MSH3: variants seen among roughly 807,000 people sequenced by gnomAD.
MSH3 encodes mutS homolog 3, also known as DNA mismatch repair protein Msh3.
MSH3 carries 106 observed loss-of-function variants against 123.3 expected under a neutral mutation model. That is an observed-to-expected ratio of 0.86 (90% CI 0.73 to 1.01). The LOEUF is 1.01. MSH3 is among the 50% of genes least tolerant of loss of function. MSH3 has a pLI of 0.00. For missense variants in MSH3, 1,459 were observed against 1,347.6 expected, an observed-to-expected ratio of 1.08 and a Z score of -1.29; for synonymous variants, 515 against 481.4, an observed-to-expected ratio of 1.07 and a Z score of -0.91.
chr5:80,781,695 T>C (rs1161633231), intron 17 of MSH3, among the ~76,000 whole-genome samples: 1 of 152,180 alleles, frequency 6.6e-6, no homozygotes, highest in Non-Finnish European at 1.5e-5. Flanking sequence ...CTTGAACTCC[T>C]GGGCTATGTC....
At chr5:80,704,971 A>G (rs960514793) in intron 8 of MSH3, among the ~76,000 whole-genome samples, 2 of 152,078 alleles carry the variant, frequency 1.3e-5, no homozygotes, top group African/African-American at 4.8e-5. Flanking sequence ...TTTGGACTCT[A>G]TTTTTCTTAC....
intron 12 of MSH3, among the ~76,000 whole-genome samples, chr5:80,760,465 G>C (rs1364230956): frequency 6.6e-6 from 1 of 152,162 alleles, no homozygotes. Context: ...CTATGTATCT[G>C]AATGTCATAT....
chr5:80,867,943 G>A (rs1299667161), intron 22 of MSH3, among the ~76,000 whole-genome samples: 2 of 152,108 alleles, frequency 1.3e-5, no homozygotes, highest in Admixed American at 6.6e-5. Flanking sequence ...CCCTGTGTCA[G>A]TTTTTGCTTC....
intron 7 of MSH3, among the ~76,000 whole-genome samples, chr5:80,677,140 C>T (rs145061531): frequency 6.6e-6 from 1 of 152,326 alleles, no homozygotes; most frequent in East Asian, 1.9e-4. Flanking sequence ...ATCTTATCTT[C>T]TTTTACCCTC....
intron 20 of MSH3, among the ~76,000 whole-genome samples, chr5:80,819,518 G>A (rs994739873): frequency 1.2e-4 from 17 of 145,710 alleles, no homozygotes; most frequent in South Asian, 4.3e-4. Context: ...CGCTCCTGTC[G>A]CCCAAGCTGG....
intron 23 of MSH3, among the ~76,000 whole-genome samples, chr5:80,873,732 A>G (rs554531183): frequency 1.3e-5 from 2 of 152,332 alleles, no homozygotes; most frequent in South Asian, 2.1e-4. Context: ...CAGTATCCAC[A>G]TGTCACTTAT....
Position 80,666,329 on chromosome 5 carries a change from G to A in MSH3, c.579+966G>A, listed in dbSNP as rs759391179. ...ATTGAAATTCTAATGAAAGCTGTTG[G>A]CCTTTTTCTTCAGAAAAATTCTCAA... On this transcript the variant is annotated intron_variant, in intron 3 of 23. Coordinates refer to ENST00000265081, the MANE Select transcript of MSH3 (RefSeq NM_002439.5). 7.2e-5 allele frequency among the ~76,000 whole-genome samples: 11 copies of A among 152,164 alleles called. No homozygotes were observed. In the East Asian group the frequency reaches 1.9e-3, roughly 27 times the overall value.
At chr5:80,816,827 A>G (rs1217966417) in intron 20 of MSH3, among the ~76,000 whole-genome samples, 2 of 152,218 alleles carry the variant, frequency 1.3e-5, no homozygotes, top group Admixed American at 1.3e-4. Flanking sequence ...TGTGCATCTG[A>G]ATGGTGAATG....
At chr5:80,695,797 TG>T (rs551340170) in intron 8 of MSH3, among the ~76,000 whole-genome samples, 262 of 152,364 alleles carry the variant, frequency 1.7e-3, no homozygotes, top group Non-Finnish European at 3.3e-3. Context: ...GTTATCTTGG[TG>T]TTGGCATCTA....
At chr5:80,821,517 T>C (rs1745205195) in intron 20 of MSH3, among the ~76,000 whole-genome samples, 3 of 152,244 alleles carry the variant, frequency 2.0e-5, no homozygotes, top group African/African-American at 7.2e-5. Context: ...ACCACAACTT[T>C]AAAGCATTAA....
intron 20 of MSH3, among the ~76,000 whole-genome samples, chr5:80,814,094 C>G (rs1327306181): frequency 6.7e-6 from 1 of 150,190 alleles, no homozygotes; most frequent in African/African-American, 2.5e-5. Flanking sequence ...CCATTGCACT[C>G]CAGCCTGGGC....
chr5:80,847,345 C>T (rs1215080812), intron 20 of MSH3, among the ~76,000 whole-genome samples: 1 of 149,380 alleles, frequency 6.7e-6, no homozygotes, highest in Non-Finnish European at 1.5e-5. Context: ...TAGGCCACTG[C>T]ACCTGGCTGA....
chr5:80,788,131 C>G (rs1321563800), intron 18 of MSH3, among the ~76,000 whole-genome samples: 2 of 152,166 alleles, frequency 1.3e-5, no homozygotes, highest in Non-Finnish European at 2.9e-5. Flanking sequence ...TTAGCACAAA[C>G]AAATCTAACT....
chr5:80,827,882 A>T (rs1745347015), intron 20 of MSH3, among the ~76,000 whole-genome samples: 1 of 152,136 alleles, frequency 6.6e-6, no homozygotes, highest in South Asian at 2.1e-4. Flanking sequence ...GCCTTTAGAC[A>T]CTATTTTTTT....
In MSH3 at chr5:80,812,186, ATG is replaced by A. The variant is rs937776259; in HGVS notation, c.2656-1393_2656-1392del. On this transcript the variant is annotated intron_variant, in intron 19 of 23. Coordinates refer to ENST00000265081, the MANE Select transcript of MSH3 (RefSeq NM_002439.5). The stretch of plus-strand genomic sequence containing the variant: ...CAGTTTGGCATTAGGGAGACTGGAA[ATG>A]TGTGGCTAATTAGAATATGATACAG... Among the ~76,000 whole-genome samples the A allele has an allele frequency of 6.6e-5, 10 of 152,182 alleles. No individual in the cohort carries two copies. The East Asian group carries it at 9.6e-4, about 15-fold the overall frequency.
intron 8 of MSH3, among the ~76,000 whole-genome samples, chr5:80,704,967 C>T (rs1366010651): frequency 6.6e-6 from 1 of 152,144 alleles, no homozygotes; most frequent in East Asian, 1.9e-4. Context: ...TGTGTTTGGA[C>T]TCTATTTTTC....
At chr5:80,700,887 G>C (rs1750593996) in intron 8 of MSH3, among the ~76,000 whole-genome samples, 1 of 152,170 alleles carries the variant, frequency 6.6e-6, no homozygotes, top group Non-Finnish European at 1.5e-5. Context: ...ACCTCCTAAA[G>C]TGGGGCCAGA....
chr5:80,667,252 G>A (rs1199005246), intron 3 of MSH3, among the ~76,000 whole-genome samples: 1 of 151,998 alleles, frequency 6.6e-6, no homozygotes, highest in East Asian at 1.9e-4. Flanking sequence ...TATTTTCTGT[G>A]TTGATTAACT....
intron 7 of MSH3, among the ~76,000 whole-genome samples, chr5:80,676,557 A>G (rs1002795060): frequency 1.3e-5 from 2 of 152,192 alleles, no homozygotes; most frequent in Non-Finnish European, 2.9e-5. Flanking sequence ...AAAAATTCTT[A>G]CCATCTGAAT....
Sources: allele counts gnomAD v4.1 joint callset (sites outside exome capture counted in the v4.1 genomes callset), GRCh38; gene constraint gnomAD v4.1.1; transcripts MANE v1.5; gene names NCBI Gene and HGNC (gene_info 2026-07-23, HGNC 2026-07-21).